The following GRXCR1 variants were observed in gnomAD, a reference collection of about 807,000 sequenced individuals.
The protein encoded by GRXCR1 is glutaredoxin domain-containing cysteine-rich protein 1.
In GRXCR1, 27 loss-of-function variants were observed where a neutral mutation model predicts 27.3. That is an observed-to-expected ratio of 0.99 (90% confidence interval 0.73 to 1.37). The LOEUF is 1.37. Ranked by LOEUF, GRXCR1 falls within the 40% of genes most tolerant of loss-of-function variation. The pLI is 0.00. For missense variants in GRXCR1, 379 were observed against 354.4 expected (o/e 1.07, Z -0.56); for synonymous variants, 122 against 131.1 (o/e 0.93, Z 0.47).
At chr4:42,903,722 T>C (rs1292811542) in intron 1 of GRXCR1, among the ~76,000 whole-genome samples, 1 of 148,434 alleles carries the variant, frequency 6.7e-6, no homozygotes, top group Non-Finnish European at 1.5e-5. Flanking sequence ...AAGGCCAATG[T>C]TTCCTGCTTC....
Position 42,961,973 on chromosome 4 carries a change from C to T in GRXCR1, c.385-919C>T, listed in dbSNP as rs373392056. 4.4e-4 allele frequency among the ~76,000 whole-genome samples: 67 copies of T among 152,034 alleles called. 2 individuals carry two copies. In the South Asian group the frequency reaches 1.0e-2, roughly 23 times the overall value. Reference sequence around the variant, plus strand: ...TGTGAAGACTCATGTATCCCATGGTCTCATGGTATAGTTGTGTTCTGTTCA... The same window carrying T: ...TGTGAAGACTCATGTATCCCATGGTTTCATGGTATAGTTGTGTTCTGTTCA... On this transcript the variant is annotated intron_variant, in intron 1 of 3. Transcript: ENST00000399770.
intron 2 of GRXCR1, among the ~76,000 whole-genome samples, chr4:42,986,036 G>A (rs1335549036): frequency 6.6e-6 from 1 of 152,152 alleles, no homozygotes; most frequent in African/African-American, 2.4e-5. Flanking sequence ...AATGTAAATA[G>A]CTCCTGAGCC....
intron 1 of GRXCR1, among the ~76,000 whole-genome samples, chr4:42,919,854 T>C (rs1349054339): frequency 6.6e-6 from 1 of 152,206 alleles, no homozygotes; most frequent in Non-Finnish European, 1.5e-5. Context: ...ATTTATATTA[T>C]TGATTTGGAA....
intron 2 of GRXCR1, among the ~76,000 whole-genome samples, chr4:43,013,569 A>T (rs1712832080): frequency 6.6e-6 from 1 of 152,118 alleles, no homozygotes; most frequent in South Asian, 2.1e-4. Context: ...TATACCCCAA[A>T]CTTCAGCATC....
intron 3 of GRXCR1, among the ~76,000 whole-genome samples, chr4:43,021,253 T>C (rs1456029764): frequency 6.6e-6 from 1 of 152,178 alleles, no homozygotes; most frequent in Non-Finnish European, 1.5e-5. Flanking sequence ...CAAGTTGTTC[T>C]GTCTGCCTAG....
chr4:42,988,772 CTGAGAAAA>C (rs1234092845), intron 2 of GRXCR1, among the ~76,000 whole-genome samples: 2 of 152,126 alleles, frequency 1.3e-5, no homozygotes, highest in African/African-American at 4.8e-5. Flanking sequence ...TGTACTGCGA[CTGAGAAAA>C]TGAGGCAAGT....
At chr4:42,914,616 T>C (rs1746843682) in intron 1 of GRXCR1, among the ~76,000 whole-genome samples, 1 of 152,134 alleles carries the variant, frequency 6.6e-6, no homozygotes, top group African/African-American at 2.4e-5. Flanking sequence ...GTTAAGACTT[T>C]AGGGGACTGT....
At chr4:42,991,508 G>A (rs1448093242) in intron 2 of GRXCR1, among the ~76,000 whole-genome samples, 1 of 150,710 alleles carries the variant, frequency 6.6e-6, no homozygotes, top group Non-Finnish European at 1.5e-5. Flanking sequence ...TTCATTAAAA[G>A]TACTGTGCTT....
chr4:42,995,940 C>CT (rs1712142315), intron 2 of GRXCR1, among the ~76,000 whole-genome samples: 1 of 152,158 alleles, frequency 6.6e-6, no homozygotes, highest in South Asian at 2.1e-4. Flanking sequence ...ATGCGAAAGG[C>CT]TTTATCTACT....
chr4:42,901,364 A>C (rs1746456892), intron 1 of GRXCR1, among the ~76,000 whole-genome samples: 1 of 152,164 alleles, frequency 6.6e-6, no homozygotes, highest in African/African-American at 2.4e-5. Flanking sequence ...AAGTTTTGGC[A>C]GTGCTGCTTC....
intron 1 of GRXCR1, among the ~76,000 whole-genome samples, chr4:42,941,218 A>G (rs952160601): frequency 6.6e-6 from 1 of 152,040 alleles, no homozygotes; most frequent in Non-Finnish European, 1.5e-5. Context: ...AGAGCCTGGC[A>G]TACAGTATGC....
At chr4:42,920,149 T>C (rs969526549) in intron 1 of GRXCR1, among the ~76,000 whole-genome samples, 3 of 152,004 alleles carry the variant, frequency 2.0e-5, no homozygotes, top group Middle Eastern at 3.2e-3. Flanking sequence ...TGAAGGACAA[T>C]AGACAAATGA....
chr4:42,925,923 G>A (rs1030299067), intron 1 of GRXCR1, among the ~76,000 whole-genome samples: 1 of 151,960 alleles, frequency 6.6e-6, no homozygotes, highest in Non-Finnish European at 1.5e-5. Context: ...AGGAGTTTGG[G>A]TGGGGGAAGT....
At chr4:42,921,954 G>A (rs898566527) in intron 1 of GRXCR1, among the ~76,000 whole-genome samples, 1 of 152,066 alleles carries the variant, frequency 6.6e-6, no homozygotes. Context: ...GGAAGTGACA[G>A]TGTTTCTTGT....
rs1191653750 is a variant in GRXCR1, at chr4:42,987,528, C to T, written c.627+24394C>T. ...GAAATCTTGGCCTAAAGTGATTCTC[C>T]CACCTTAGCCTCCCAAAGTGTTAGG... On this transcript the variant is annotated intron_variant, in intron 2 of 3. Coordinates refer to ENST00000399770, the MANE Select transcript of GRXCR1 (RefSeq NM_001080476.3). 2.0e-5 allele frequency among the ~76,000 whole-genome samples: 3 copies of T among 151,828 alleles called. No individual in the cohort carries two copies. The East Asian group carries it at 5.8e-4, about 29-fold the overall frequency.
chr4:42,981,128 T>C (rs1464873649), intron 2 of GRXCR1, among the ~76,000 whole-genome samples: 3 of 151,518 alleles, frequency 2.0e-5, no homozygotes, highest in Non-Finnish European at 4.4e-5. Flanking sequence ...TCTTCCTTTG[T>C]AGCTTAATGA....
chr4:42,962,021 A>G (rs1171951621), intron 1 of GRXCR1, among the ~76,000 whole-genome samples: 2 of 151,990 alleles, frequency 1.3e-5, no homozygotes, highest in Non-Finnish European at 2.9e-5. Flanking sequence ...TAAGACTGTG[A>G]TAAGGAAGAA....
At chr4:42,904,675 T>C (rs1309924318) in intron 1 of GRXCR1, among the ~76,000 whole-genome samples, 1 of 152,222 alleles carries the variant, frequency 6.6e-6, no homozygotes, top group African/African-American at 2.4e-5. Context: ...CGATGCCTGG[T>C]ACCTTATAAG....
At chr4:42,959,659 C>T (rs1034866006) in intron 1 of GRXCR1, among the ~76,000 whole-genome samples, 1 of 151,824 alleles carries the variant, frequency 6.6e-6, no homozygotes, top group Non-Finnish European at 1.5e-5. Context: ...TAAGTATGTA[C>T]AACTTAAAAA....
Sources: gnomAD v4.1 joint callset for allele counts (sites outside exome capture counted in the v4.1 genomes callset) on GRCh38, gnomAD v4.1.1 for gene constraint, MANE v1.5 for transcripts, NCBI Gene and HGNC (gene_info 2026-07-23, HGNC 2026-07-21) for gene names.